The following ACER3 variants were observed in gnomAD, a reference collection of about 807,000 sequenced individuals.
ACER3 encodes alkCDase 3.
ACER3 carries 16 observed loss-of-function variants against 48.9 expected under a neutral mutation model. The ratio of observed to expected loss-of-function variants is 0.33; its 90% CI spans 0.22 to 0.50. ACER3 has a LOEUF of 0.50. Among genes scored for constraint, ACER3 ranks in the 20% least tolerant of loss-of-function variants. ACER3 has a pLI of 0.98. For synonymous variants in ACER3, 109 were observed against 107.8 expected (o/e 1.01, Z -0.07); for missense variants, 227 against 326.0 (o/e 0.70, Z 2.34).
chr11:76,907,446 A>G (rs1047250505), intron 1 of ACER3, among the ~76,000 whole-genome samples: 1 of 152,204 alleles, frequency 6.6e-6, no homozygotes, highest in Non-Finnish European at 1.5e-5. Flanking sequence ...ATTGTTTCCA[A>G]TAAGGATGAC....
intron 1 of ACER3, among the ~76,000 whole-genome samples, chr11:76,915,541 G>A (rs759639944): frequency 1.3e-5 from 2 of 152,140 alleles, no homozygotes; most frequent in Non-Finnish European, 2.9e-5. Flanking sequence ...GAGAGGCAAT[G>A]CGATAATTGC....
intron 2 of ACER3, among the ~76,000 whole-genome samples, chr11:76,932,117 T>A (rs893024337): frequency 3.9e-5 from 6 of 151,942 alleles, no homozygotes; most frequent in Non-Finnish European, 7.4e-5. Flanking sequence ...CCTGGCTAAT[T>A]TTTGTATTTT....
chr11:76,912,905 C>A (rs1302410262), intron 1 of ACER3, among the ~76,000 whole-genome samples: 2 of 151,840 alleles, frequency 1.3e-5, no homozygotes, highest in East Asian at 1.9e-4. Flanking sequence ...AGAAAGAATT[C>A]GACTGAGGGC....
intron 1 of ACER3, among the ~76,000 whole-genome samples, chr11:76,925,289 T>C (rs1166527294): frequency 1.3e-5 from 2 of 152,216 alleles, no homozygotes; most frequent in African/African-American, 2.4e-5. Flanking sequence ...CCTGCACTTG[T>C]AAATATATAT....
At chr11:76,990,321 G>T (rs3824889) in intron 5 of ACER3, among the ~76,000 whole-genome samples, 108,093 of 151,970 alleles carry the variant, frequency 0.71, 38,840 homozygotes, top group Non-Finnish European at 0.77. Context: ...TAAAACATTC[G>T]ACTCACCATA....
chr11:76,909,245 T>C (rs1180630869), intron 1 of ACER3, among the ~76,000 whole-genome samples: 2 of 152,078 alleles, frequency 1.3e-5, no homozygotes, highest in Non-Finnish European at 2.9e-5. Flanking sequence ...CCAAAAGCAA[T>C]GGCAACAAAA....
chr11:76,868,383 CTCTCTCTCTG>C lies in ACER3; in HGVS notation c.103+7306_103+7315del, dbSNP rs941743745. On this transcript the variant is annotated intron_variant, in intron 1 of 10. Coordinates refer to ENST00000532485, the MANE Select transcript of ACER3 (RefSeq NM_018367.7). ...AAGAGTTTAGTTTTAATATCTCTCT[CTCTCTCTCTG>C]TGTGTGTGTGTGTGTGTGTGTGTGT... is the stretch of plus-strand genomic sequence containing the variant. The C allele has an allele frequency of 2.3e-5, 12 of 525,750 alleles. No homozygotes were observed. The East Asian group carries it at 3.5e-4, about 15-fold the overall frequency. 32.6% of individuals were successfully genotyped at this position (525,750 alleles called of 1,614,324 possible).
intron 1 of ACER3, among the ~76,000 whole-genome samples, chr11:76,924,992 A>AAAAC (rs1299654087): frequency 6.7e-5 from 10 of 148,656 alleles, no homozygotes; most frequent in Non-Finnish European, 1.5e-4. Context: ...AAAAAAAAAA[A>AAAAC]ACACCAAAAA....
rs546816850 is a variant in ACER3, at chr11:76,903,172, A to G, written c.104-23385A>G. 4.6e-5 allele frequency among the ~76,000 whole-genome samples: 7 copies of G among 152,178 alleles called. No homozygotes were observed. The East Asian group carries it at 1.3e-3, about 29-fold the overall frequency. ...ACAAATCTCCAAAAAATTTTCCAATATATTTATTGAAAAAAATCCACATAG... is the reference window on the plus strand; with the variant it reads ...ACAAATCTCCAAAAAATTTTCCAATGTATTTATTGAAAAAAATCCACATAG... On this transcript the variant is annotated intron_variant, in intron 1 of 10. Coordinates refer to ENST00000532485, the MANE Select transcript of ACER3 (RefSeq NM_018367.7).
chr11:76,916,027 A>G (rs1184452648), intron 1 of ACER3, among the ~76,000 whole-genome samples: 6 of 152,222 alleles, frequency 3.9e-5, no homozygotes, highest in Admixed American at 3.9e-4. Context: ...TTTTAACAGT[A>G]ATAAATCATC....
intron 1 of ACER3, among the ~76,000 whole-genome samples, chr11:76,887,788 T>C (rs1945707357): frequency 6.6e-6 from 1 of 151,224 alleles, no homozygotes. Context: ...TTGGAGTCTG[T>C]GGATGTTAAT....
chr11:77,016,697 C>T lies in ACER3; in HGVS notation c.622C>T (p.Pro208Ser). The change falls in exon 9 of 11, where the codon CCT becomes TCT. Residue 208 changes from proline to serine, a missense_variant. Coordinates refer to ENST00000532485, the MANE Select transcript of ACER3 (RefSeq NM_018367.7). ...SLRNFRKKVP[P>S]IIGITTQFHA... ...CAGGAACTTTCGAAAGAAGGTACCACCTATCATAGGTATTACCACACAATT... is the reference window on the plus strand; with the variant it reads ...CAGGAACTTTCGAAAGAAGGTACCATCTATCATAGGTATTACCACACAATT... The T allele has an allele frequency of 6.3e-7, 1 of 1,587,844 alleles. No homozygotes were observed. Among genetic ancestry groups the T allele is most frequent in the Non-Finnish European group, 8.6e-7 (1 of 1,165,678 alleles).
At position 76,865,228 on chromosome 11, in the gene ACER3, T is replaced by C. The variant is rs563011727; in HGVS notation, c.103+4149T>C. ...TCAAACTCCTGAGCTCAAGCAGTCC[T>C]CCCACCTCAGCCTCCCAAAGTGTTG... On this transcript the variant is annotated intron_variant, in intron 1 of 10. Coordinates refer to ENST00000532485, the MANE Select transcript of ACER3 (RefSeq NM_018367.7). 1.3e-4 allele frequency among the ~76,000 whole-genome samples: 19 copies of C among 149,578 alleles called. No individual in the cohort carries two copies. The South Asian group carries it at 4.1e-3, about 32-fold the overall frequency.
chr11:76,968,475 G>A (rs4586198), intron 3 of ACER3, among the ~76,000 whole-genome samples: 86,829 of 151,970 alleles, frequency 0.57, 28,002 homozygotes, highest in Non-Finnish European at 0.74. Context: ...AAAAGAGCCC[G>A]CATAGCCAAG....
intron 3 of ACER3, among the ~76,000 whole-genome samples, chr11:76,965,952 A>G (rs551965133): frequency 6.6e-6 from 1 of 151,412 alleles, no homozygotes; most frequent in Admixed American, 6.5e-5. Flanking sequence ...AAATTCACAC[A>G]TAACAATATT....
At chr11:77,000,313 G>C (rs1478080516) in intron 7 of ACER3, among the ~76,000 whole-genome samples, 1 of 152,092 alleles carries the variant, frequency 6.6e-6, no homozygotes, top group Non-Finnish European at 1.5e-5. Context: ...TGTTTTTACA[G>C]TTGAGTTGTG....
chr11:76,896,926 T>TTTG (rs112967745), intron 1 of ACER3, among the ~76,000 whole-genome samples: 16,151 of 151,730 alleles, frequency 0.11, 2,719 homozygotes, highest in African/African-American at 0.36. Context: ...AAGGGAGTTT[T>TTTG]TTGTTGTTGT....
chr11:76,880,572 A>G (rs976198779), intron 1 of ACER3, among the ~76,000 whole-genome samples: 2 of 152,198 alleles, frequency 1.3e-5, no homozygotes, highest in East Asian at 1.9e-4. Flanking sequence ...CTAACCTGCT[A>G]TAAATAGGAT....
intron 7 of ACER3, among the ~76,000 whole-genome samples, chr11:77,005,992 T>TATACATATATATA (rs1491403985): frequency 1.3e-4 from 9 of 70,580 alleles, no homozygotes; most frequent in East Asian, 6.0e-4. Context: ...TATATATATA[T>TATACATATATATA]TTTTTTTTTT....
Sources: gnomAD v4.1 joint callset for allele counts (sites outside exome capture counted in the v4.1 genomes callset) on GRCh38, gnomAD v4.1.1 for gene constraint, MANE v1.5 for transcripts, NCBI Gene and HGNC (gene_info 2026-07-23, HGNC 2026-07-21) for gene names.